The following IQGAP2 variants were observed in gnomAD, a reference collection of about 807,000 sequenced individuals.
IQGAP2 encodes the protein IQ motif containing GTPase activating protein 2.
A neutral mutation model predicts 201.3 loss-of-function variants in IQGAP2; 173 were observed. The observed-to-expected ratio is 0.86, with a 90% CI of 0.76 to 0.98. The LOEUF (loss-of-function observed/expected upper bound fraction) is 0.98, where lower values mean the gene tolerates loss of function less well. Ranked by LOEUF, IQGAP2 falls within the 50% of genes least tolerant of loss-of-function variation. IQGAP2 has a pLI of 0.00. For synonymous variants in IQGAP2, 675 were observed against 673.9 expected (o/e 1.00, Z -0.03); for missense variants, 1,687 against 1,864.8 (o/e 0.90, Z 1.76).
rs1306694108 is a variant in IQGAP2, at chr5:76,654,999, A to T, written c.2316A>T (p.Thr772=). ...RANKARDDYK[T]LVGSENPPLT... ...ACAAAGCTAGAGATGACTACAAAAC[A>T]TTGGGTAAGTGAGAGCTTTCTGAAA... The change falls in exon 20 of 36, where the codon ACA becomes ACT. Residue 772 remains threonine (T), a synonymous_variant. Coordinates refer to ENST00000274364, the MANE Select transcript of IQGAP2 (RefSeq NM_006633.5). The T allele has an allele frequency of 1.2e-6, 2 of 1,608,206 alleles. No homozygotes were observed. The highest frequency in any genetic ancestry group is 1.7e-6 in the Non-Finnish European group (2 of 1,175,042).
chr5:76,451,581 T>C (rs1169195498), intron 1 of IQGAP2, among the ~76,000 whole-genome samples: 1 of 152,212 alleles, frequency 6.6e-6, no homozygotes, highest in Non-Finnish European at 1.5e-5. Context: ...AAAAATACGG[T>C]AAAACTGACT....
At chr5:76,533,359 C>T (rs1014365395) in intron 2 of IQGAP2, among the ~76,000 whole-genome samples, 3 of 152,048 alleles carry the variant, frequency 2.0e-5, no homozygotes, top group South Asian at 2.1e-4. Flanking sequence ...ACACGCTTGC[C>T]AACACTTTAC....
At chr5:76,441,344 T>C (rs1181134636) in intron 1 of IQGAP2, among the ~76,000 whole-genome samples, 16 of 152,208 alleles carry the variant, frequency 1.1e-4, no homozygotes, top group Admixed American at 1.0e-3. Flanking sequence ...CATTCATCTA[T>C]AAGTCTTGTC....
intron 1 of IQGAP2, among the ~76,000 whole-genome samples, chr5:76,433,643 G>T (rs375584261): frequency 2.6e-5 from 4 of 152,198 alleles, no homozygotes; most frequent in South Asian, 4.1e-4. Flanking sequence ...TAAACTCTTT[G>T]TAATTAGACT....
At chr5:76,609,661 T>C (rs1748103267) in intron 12 of IQGAP2, among the ~76,000 whole-genome samples, 1 of 152,164 alleles carries the variant, frequency 6.6e-6, no homozygotes, top group African/African-American at 2.4e-5. Flanking sequence ...TGACGGGTGA[T>C]CATTTTAGAT....
intron 1 of IQGAP2, among the ~76,000 whole-genome samples, chr5:76,415,235 A>T (rs1198549402): frequency 6.6e-6 from 1 of 152,266 alleles, no homozygotes; most frequent in Non-Finnish European, 1.5e-5. Context: ...ACAAAATAGA[A>T]CAGCAGTAAA....
intron 20 of IQGAP2, 127 bp downstream of exon 20, chr5:76,655,130 T>C (rs1752810971): frequency 1.5e-6 from 1 of 649,360 alleles, no homozygotes; most frequent in African/African-American, 1.8e-5. Context: ...CAGTAGATTT[T>C]GATCATCTCA....
At chr5:76,705,139 C>CTAATTATGGAAGATAATTAGCTGGGA (rs926157538) in intron 35 of IQGAP2, among the ~76,000 whole-genome samples, 4 of 152,100 alleles carry the variant, frequency 2.6e-5, no homozygotes, top group Non-Finnish European at 4.4e-5. Flanking sequence ...GTTCAGACAG[C>CTAATTATGGAAGATAATTAGCTGGGA]TAATTATGGA....
At chr5:76,590,823 A>G (rs935617465) in intron 8 of IQGAP2, among the ~76,000 whole-genome samples, 2 of 152,210 alleles carry the variant, frequency 1.3e-5, no homozygotes, top group Non-Finnish European at 2.9e-5. Context: ...ATGGTGGCTC[A>G]TGCCTATAAT....
chr5:76,694,502 C>A (rs1313477889), intron 31 of IQGAP2, among the ~76,000 whole-genome samples: 1 of 152,186 alleles, frequency 6.6e-6, no homozygotes, highest in African/African-American at 2.4e-5. Flanking sequence ...TAACTCTGTG[C>A]ACTTAGAAGC....
chr5:76,503,094 T>G (rs1349888736), intron 2 of IQGAP2, among the ~76,000 whole-genome samples: 2 of 152,162 alleles, frequency 1.3e-5, no homozygotes, highest in African/African-American at 4.8e-5. Context: ...ATAAATATGA[T>G]GTAAAGCTCA....
chr5:76,658,405 T>C, intron 20 of IQGAP2, 54 bp from the exon 21 acceptor site: 2 of 1,376,522 alleles, frequency 1.5e-6, no homozygotes, highest in Non-Finnish European at 2.1e-6. Flanking sequence ...TCTTTCCTGT[T>C]GATAATCATT....
intron 2 of IQGAP2, among the ~76,000 whole-genome samples, chr5:76,552,033 G>C (rs933277448): frequency 2.6e-5 from 4 of 152,170 alleles, no homozygotes; most frequent in Admixed American, 2.0e-4. Flanking sequence ...AAATGGAAGA[G>C]AGCCTTCCTC....
In IQGAP2 at chr5:76,666,091, C is replaced by G. The variant is rs145998117; in HGVS notation, c.2679+916C>G. 1.8e-3 allele frequency among the ~76,000 whole-genome samples: 279 copies of G among 152,278 alleles called. 3 individuals carry two copies. The highest frequency in any genetic ancestry group is 0.01 in the Middle Eastern group (3 of 294). On this transcript the variant is annotated intron_variant, in intron 22 of 35. Coordinates refer to ENST00000274364, the MANE Select transcript of IQGAP2 (RefSeq NM_006633.5). ...CACAAACCATAAATAAGAGGCGTGG[C>G]TAACCTCATGGAGAAACACGATGTT...
chr5:76,433,433 C>G (rs1004585272), intron 1 of IQGAP2, among the ~76,000 whole-genome samples: 8 of 152,162 alleles, frequency 5.3e-5, no homozygotes, highest in African/African-American at 1.9e-4. Flanking sequence ...GCTGTTGTTG[C>G]AGCTAAATTC....
chr5:76,591,765 G>C (rs577467469), intron 8 of IQGAP2, among the ~76,000 whole-genome samples: 1 of 152,262 alleles, frequency 6.6e-6, no homozygotes, highest in African/African-American at 2.4e-5. Context: ...ACTTGTTGAA[G>C]AAATCAGCCA....
chr5:76,612,793 C>T (rs1184920438), intron 13 of IQGAP2, among the ~76,000 whole-genome samples: 2 of 151,994 alleles, frequency 1.3e-5, no homozygotes, highest in Non-Finnish European at 2.9e-5. Context: ...TAAAATATTT[C>T]TGGAGGGAGG....
intron 2 of IQGAP2, among the ~76,000 whole-genome samples, chr5:76,558,514 AT>A (rs149605795): frequency 5.3e-5 from 8 of 151,966 alleles, no homozygotes; most frequent in Non-Finnish European, 8.8e-5. Flanking sequence ...ACTTGGCCAT[AT>A]TTTTTTTAAG....
chr5:76,643,109 C>A (rs2431348), intron 17 of IQGAP2, among the ~76,000 whole-genome samples: 94,063 of 152,108 alleles, frequency 0.62, 29,251 homozygotes, highest in South Asian at 0.78. Context: ...GAGTAGATAT[C>A]TAGAGTTACT....
Sources: gnomAD v4.1 joint callset for allele counts (sites outside exome capture counted in the v4.1 genomes callset) on GRCh38, gnomAD v4.1.1 for gene constraint, MANE v1.5 for transcripts, NCBI Gene and HGNC (gene_info 2026-07-23, HGNC 2026-07-21) for gene names.